PRKG1: variants seen among roughly 807,000 people sequenced by gnomAD.
PRKG1 encodes cGMP-dependent protein kinase 1.
Under a neutral mutation model 88.1 loss-of-function variants are expected in PRKG1, and 35 were observed. The observed-to-expected ratio is 0.40, with a 90% CI of 0.30 to 0.53. The LOEUF is 0.53. PRKG1 is among the 20% of genes least tolerant of loss of function. PRKG1 has a pLI of 0.59. For missense variants in PRKG1, 540 were observed against 839.8 expected, an observed-to-expected ratio of 0.64 and a Z score of 4.41; for synonymous variants, 303 against 292.5, an observed-to-expected ratio of 1.04 and a Z score of -0.37.
intron 2 of PRKG1, among the ~76,000 whole-genome samples, chr10:51,191,153 T>G (rs1301682779): frequency 6.6e-6 from 1 of 151,856 alleles, no homozygotes; most frequent in Admixed American, 6.6e-5. Context: ...ACAGAAAATA[T>G]TAGTCCTCAA....
At chr10:51,163,167 A>T (rs1846412381) in intron 2 of PRKG1, among the ~76,000 whole-genome samples, 1 of 152,190 alleles carries the variant, frequency 6.6e-6, no homozygotes, top group South Asian at 2.1e-4. Flanking sequence ...CTCTGTCTCA[A>T]ACAAAAACAA....
At chr10:52,153,328 G>GA (rs36075459) in intron 8 of PRKG1, among the ~76,000 whole-genome samples, 1 of 151,994 alleles carries the variant, frequency 6.6e-6, no homozygotes, top group African/African-American at 2.4e-5. Context: ...CAGATAAAAG[G>GA]AAAAAAATTG....
chr10:51,924,228 C>T (rs1288817513), intron 5 of PRKG1, among the ~76,000 whole-genome samples: 4 of 152,152 alleles, frequency 2.6e-5, no homozygotes, highest in Non-Finnish European at 5.9e-5. Flanking sequence ...AGCAGGTCTA[C>T]TGTTAACAAA....
chr10:51,791,257 G>A lies in PRKG1; in HGVS notation c.593-13328G>A, dbSNP rs151338971. Among the ~76,000 whole-genome samples, 12 of 152,252 alleles carry A rather than the reference G, an allele frequency of 7.9e-5. No individual in the cohort carries two copies. In the East Asian group the frequency reaches 9.7e-4, roughly 12 times the overall value. ...TGTAGCAACTAGGAGCTATTTGAGA[G>A]CAAGGTCTGTATCTTGTTTATCTTC... On this transcript the variant is annotated intron_variant, in intron 3 of 17. Transcript: ENST00000373980.
chr10:51,617,803 A>G lies in PRKG1; in HGVS notation c.592+149967A>G, dbSNP rs79554525. ...ACTATATTTTGAAACCTATGAAACAATGAAAGTCCCTGTTTCTCTGTATCC... is the reference window on the plus strand; with the variant it reads ...ACTATATTTTGAAACCTATGAAACAGTGAAAGTCCCTGTTTCTCTGTATCC... On this transcript the variant is annotated intron_variant, in intron 3 of 17. Coordinates refer to ENST00000373980, the MANE Select transcript of PRKG1 (RefSeq NM_006258.4). Among the ~76,000 whole-genome samples, 1,356 of 152,306 alleles carry G rather than the reference A, an allele frequency of 8.9e-3. 20 individuals are homozygous for G. The highest frequency in any genetic ancestry group is 0.031 in the African/African-American group (1,283 of 41,570).
intron 2 of PRKG1, among the ~76,000 whole-genome samples, chr10:51,310,941 A>G (rs1841168683): frequency 6.6e-6 from 1 of 152,170 alleles, no homozygotes; most frequent in Non-Finnish European, 1.5e-5. Context: ...GGAGTCACAA[A>G]TGGCTTCCCT....
chr10:51,969,010 A>G (rs1418056985), intron 5 of PRKG1, among the ~76,000 whole-genome samples: 1 of 152,158 alleles, frequency 6.6e-6, no homozygotes, highest in African/African-American at 2.4e-5. Flanking sequence ...TAATGATTCT[A>G]AAACAGCAGC....
intron 7 of PRKG1, among the ~76,000 whole-genome samples, chr10:52,123,933 T>C (rs547407652): frequency 3.3e-5 from 5 of 152,304 alleles, no homozygotes; most frequent in Non-Finnish European, 7.4e-5. Flanking sequence ...CTTCTTTTCT[T>C]TTACTCAATC....
chr10:51,499,370 C>G (rs1840955955), intron 3 of PRKG1, among the ~76,000 whole-genome samples: 1 of 152,082 alleles, frequency 6.6e-6, no homozygotes, highest in South Asian at 2.1e-4. Context: ...ACCAAAACAT[C>G]AGGAGAAAAT....
intron 4 of PRKG1, among the ~76,000 whole-genome samples, chr10:51,838,296 G>C (rs1455327397): frequency 1.3e-5 from 2 of 151,992 alleles, no homozygotes; most frequent in African/African-American, 4.8e-5. Flanking sequence ...TGGTTGTTTT[G>C]TTTTTGTTTT....
intron 4 of PRKG1, among the ~76,000 whole-genome samples, chr10:51,879,708 T>G (rs1451648291): frequency 1.3e-5 from 2 of 152,200 alleles, no homozygotes; most frequent in Non-Finnish European, 2.9e-5. Flanking sequence ...GATGCCACCA[T>G]CCAGAGCTTA....
At chr10:51,972,960 C>T (rs1170044688) in intron 5 of PRKG1, among the ~76,000 whole-genome samples, 1 of 152,064 alleles carries the variant, frequency 6.6e-6, no homozygotes, top group East Asian at 1.9e-4. Flanking sequence ...GACTGAAAGT[C>T]ACTGATCTGG....
chr10:51,730,459 T>G (rs888589313), intron 3 of PRKG1, among the ~76,000 whole-genome samples: 16 of 152,342 alleles, frequency 1.1e-4, no homozygotes, highest in Non-Finnish European at 2.1e-4. Flanking sequence ...TCTTTACTCA[T>G]GTGAAGTGGG....
At chr10:51,766,844 C>T (rs571880713) in intron 3 of PRKG1, among the ~76,000 whole-genome samples, 2 of 152,204 alleles carry the variant, frequency 1.3e-5, no homozygotes, top group African/African-American at 4.8e-5. Context: ...GTCCATAGCA[C>T]CACATAGTTT....
At chr10:51,224,718 G>A (rs1410060692) in intron 2 of PRKG1, among the ~76,000 whole-genome samples, 2 of 152,178 alleles carry the variant, frequency 1.3e-5, no homozygotes, top group African/African-American at 2.4e-5. Flanking sequence ...AGGGTACTTA[G>A]AAGAACGAGC....
At chr10:51,731,018 T>TGGTG (rs1417704916) in intron 3 of PRKG1, among the ~76,000 whole-genome samples, 1 of 151,900 alleles carries the variant, frequency 6.6e-6, no homozygotes, top group Non-Finnish European at 1.5e-5. Flanking sequence ...TAGCCGAGTG[T>TGGTG]GGTGGTGGGT....
chr10:51,358,750 T>C (rs1017821597), intron 2 of PRKG1, among the ~76,000 whole-genome samples: 5 of 151,898 alleles, frequency 3.3e-5, no homozygotes, highest in Admixed American at 3.3e-4. Flanking sequence ...AAAGCCTAAG[T>C]TAGCTAATTT....
intron 2 of PRKG1, among the ~76,000 whole-genome samples, chr10:51,265,294 G>C (rs1839811105): frequency 6.6e-6 from 1 of 152,084 alleles, no homozygotes; most frequent in East Asian, 1.9e-4. Context: ...AACATACAAA[G>C]ACTACTGCTA....
chr10:51,167,185 T>A (rs1846569275), intron 2 of PRKG1, among the ~76,000 whole-genome samples: 1 of 151,960 alleles, frequency 6.6e-6, no homozygotes, highest in South Asian at 2.1e-4. Context: ...TACAACAGGG[T>A]GATGAAAGAG....
Sources: allele counts gnomAD v4.1 joint callset (sites outside exome capture counted in the v4.1 genomes callset), GRCh38; gene constraint gnomAD v4.1.1; transcripts MANE v1.5; gene names NCBI Gene and HGNC (gene_info 2026-07-23, HGNC 2026-07-21).